Variants in LHFPL6 observed in about 807,000 individuals in gnomAD.
LHFPL6 encodes LHFPL tetraspan subfamily member 6.
LHFPL6 carries 9 observed loss-of-function variants against 20.6 expected under a neutral mutation model. The observed-to-expected ratio is 0.44, with a 90% confidence interval of 0.26 to 0.76. LHFPL6 has a LOEUF of 0.76. Ranked by LOEUF, LHFPL6 falls within the 30% of genes least tolerant of loss-of-function variation. LHFPL6 has a pLI of 0.20. For synonymous variants in LHFPL6, 105 were observed against 98.7 expected, an observed-to-expected ratio of 1.06 and a Z score of -0.38; for missense variants, 218 against 253.5, an observed-to-expected ratio of 0.86 and a Z score of 0.95.
At position 39,600,570 on chromosome 13, in the gene LHFPL6, A is replaced by G. The variant is rs557821474; in HGVS notation, c.385+262T>C. 4.6e-5 allele frequency among the ~76,000 whole-genome samples: 7 copies of G among 152,266 alleles called. No individual in the cohort carries two copies. In the South Asian group the frequency reaches 1.2e-3, roughly 27 times the overall value. On this transcript the variant is annotated intron_variant, in intron 2 of 3. Transcript: ENST00000379589. ...TGTCGCCCCTACTACACCTCAAACAACCTAGATGTTACTGTTTCACATAGG... is the reference window on the plus strand; with the variant it reads ...TGTCGCCCCTACTACACCTCAAACAGCCTAGATGTTACTGTTTCACATAGG...
chr13:39,588,853 AAT>A (rs1872526798), intron 2 of LHFPL6, among the ~76,000 whole-genome samples: 1 of 152,252 alleles, frequency 6.6e-6, no homozygotes. Flanking sequence ...TTAGAATAAA[AAT>A]ATAAGTCATC....
intron 2 of LHFPL6, among the ~76,000 whole-genome samples, chr13:39,561,720 G>A (rs1204007815): frequency 2.0e-5 from 3 of 152,190 alleles, no homozygotes; most frequent in Non-Finnish European, 4.4e-5. Context: ...GCCTCCCAAA[G>A]TGCTGGGGAT....
intron 2 of LHFPL6, among the ~76,000 whole-genome samples, chr13:39,402,325 A>G (rs1871014135): frequency 6.6e-6 from 1 of 152,158 alleles, no homozygotes; most frequent in South Asian, 2.1e-4. Flanking sequence ...CCTGGGCCCA[A>G]GCAATCCTCC....
At chr13:39,453,319 G>C (rs997607072) in intron 2 of LHFPL6, among the ~76,000 whole-genome samples, 1 of 152,194 alleles carries the variant, frequency 6.6e-6, no homozygotes, top group Non-Finnish European at 1.5e-5. Flanking sequence ...ATGAAAGGTA[G>C]CATCAGGCAA....
At chr13:39,361,639 T>G (rs1869872348) in intron 3 of LHFPL6, among the ~76,000 whole-genome samples, 1 of 152,288 alleles carries the variant, frequency 6.6e-6, no homozygotes, top group South Asian at 2.1e-4. Flanking sequence ...AGATTTTAAA[T>G]GTGCTTTTCA....
intron 2 of LHFPL6, among the ~76,000 whole-genome samples, chr13:39,579,187 C>T (rs914348696): frequency 7.9e-5 from 12 of 152,148 alleles, no homozygotes; most frequent in African/African-American, 2.7e-4. Context: ...AAGAGGATTA[C>T]TCTGGCAGCA....
chr13:39,373,469 T>C (rs572100286), intron 3 of LHFPL6, among the ~76,000 whole-genome samples: 22 of 152,346 alleles, frequency 1.4e-4, no homozygotes, highest in African/African-American at 5.3e-4. Flanking sequence ...AGCAGTGGGC[T>C]GACAAAGGCT....
intron 2 of LHFPL6, among the ~76,000 whole-genome samples, chr13:39,599,258 A>T (rs1483083078): frequency 6.6e-6 from 1 of 152,258 alleles, no homozygotes; most frequent in African/African-American, 2.4e-5. Flanking sequence ...AAACTGCTTA[A>T]GCATTTTTCC....
chr13:39,597,519 TA>T (rs1317747680), intron 2 of LHFPL6, among the ~76,000 whole-genome samples: 7 of 152,252 alleles, frequency 4.6e-5, no homozygotes, highest in Admixed American at 4.6e-4. Context: ...CTAGCATCCT[TA>T]CCACACTATA....
chr13:39,440,958 T>C (rs1872108718), intron 2 of LHFPL6, among the ~76,000 whole-genome samples: 1 of 151,982 alleles, frequency 6.6e-6, no homozygotes, highest in African/African-American at 2.4e-5. Flanking sequence ...AGATGTGCCT[T>C]TTACCTTCTG....
intron 2 of LHFPL6, among the ~76,000 whole-genome samples, chr13:39,486,001 G>A (rs376965887): frequency 6.6e-6 from 1 of 152,088 alleles, no homozygotes; most frequent in Non-Finnish European, 1.5e-5. Context: ...TACTGAGAAG[G>A]AATCCAAGGC....
Position 39,528,635 on chromosome 13 carries a change from T to C in LHFPL6, c.385+72197A>G, listed in dbSNP as rs1870365837. ...TCTATGATACTAAAAATGATTTCCA[T>C]TTTAGGGAAAGTGGCAGGCAAGATA... On this transcript the variant is annotated intron_variant, in intron 2 of 3. Transcript: ENST00000379589. 2.6e-5 allele frequency among the ~76,000 whole-genome samples: 4 copies of C among 152,200 alleles called. No individual in the cohort carries two copies. In the South Asian group the frequency reaches 8.3e-4, roughly 31 times the overall value.
At chr13:39,584,388 G>A (rs5015932) in intron 2 of LHFPL6, among the ~76,000 whole-genome samples, 4,285 of 151,942 alleles carry the variant, frequency 0.028, 124 homozygotes, top group African/African-American at 0.068. Flanking sequence ...TTAGCTGGGC[G>A]TGGTGGCACA....
intron 2 of LHFPL6, among the ~76,000 whole-genome samples, chr13:39,524,908 G>A (rs2138489294): frequency 6.6e-6 from 1 of 152,304 alleles, no homozygotes; most frequent in East Asian, 1.9e-4. Flanking sequence ...TAGGGATGAT[G>A]AGAATATAAA....
At chr13:39,529,626 C>G (rs1593350892) in intron 2 of LHFPL6, among the ~76,000 whole-genome samples, 1 of 152,148 alleles carries the variant, frequency 6.6e-6, no homozygotes, top group South Asian at 2.1e-4. Context: ...AAAGAATAAA[C>G]TTTGTTGGGC....
intron 2 of LHFPL6, among the ~76,000 whole-genome samples, chr13:39,492,481 G>C (rs1868958081): frequency 6.6e-6 from 1 of 152,066 alleles, no homozygotes; most frequent in South Asian, 2.1e-4. Flanking sequence ...ATTTCTTGTA[G>C]AGACTTTGGA....
intron 2 of LHFPL6, 130 bp downstream of exon 2, chr13:39,600,702 G>T: frequency 2.0e-6 from 2 of 986,468 alleles, no homozygotes; most frequent in Non-Finnish European, 2.8e-6. Context: ...TATCATCAAA[G>T]CCATTCCAAA....
chr13:39,462,771 T>C (rs1418027409), intron 2 of LHFPL6, among the ~76,000 whole-genome samples: 1 of 152,208 alleles, frequency 6.6e-6, no homozygotes, highest in African/African-American at 2.4e-5. Flanking sequence ...TCCAGTGATG[T>C]GCTTTCCTAT....
chr13:39,596,123 T>C (rs942005673), intron 2 of LHFPL6, among the ~76,000 whole-genome samples: 3 of 152,070 alleles, frequency 2.0e-5, no homozygotes, highest in African/African-American at 7.2e-5. Context: ...ATAATTCATA[T>C]ATTATAACAT....
Sources: allele counts gnomAD v4.1 joint callset (sites outside exome capture counted in the v4.1 genomes callset), GRCh38; gene constraint gnomAD v4.1.1; transcripts MANE v1.5; gene names NCBI Gene and HGNC (gene_info 2026-07-23, HGNC 2026-07-21).